The following NF1 variants were observed in gnomAD, a reference collection of about 807,000 sequenced individuals.
The protein encoded by NF1 is neurofibromin.
Under a neutral mutation model 325.7 loss-of-function variants are expected in NF1, and 122 were observed. That is an observed-to-expected ratio of 0.37 (90% confidence interval 0.32 to 0.44). NF1 has a LOEUF of 0.44. Ranked by LOEUF, NF1 falls within the 20% of genes least tolerant of loss-of-function variation. NF1 has a pLI of 1.00. For missense variants in NF1, 2,140 were observed against 3,415.4 expected (o/e 0.63, Z 9.31); for synonymous variants, 1,091 against 1,186.0 (o/e 0.92, Z 1.65).
At chr17:31,275,551 G>C (rs140356508) in intron 36 of NF1, among the ~76,000 whole-genome samples, 259 of 152,184 alleles carry the variant, frequency 1.7e-3, no homozygotes, top group Non-Finnish European at 2.7e-3. Flanking sequence ...AGGTATTTCT[G>C]TATAGGAGAA....
intron 51 of NF1, 101 bp downstream of exon 51, chr17:31,352,515 C>T (rs1004593331): frequency 7.4e-6 from 9 of 1,217,304 alleles, no homozygotes; most frequent in Non-Finnish European, 1.0e-5. Context: ...TCAAAATTTT[C>T]CATGTCAGTG....
intron 39 of NF1, among the ~76,000 whole-genome samples, chr17:31,333,565 G>A (rs530868567): frequency 4.9e-4 from 74 of 152,174 alleles, no homozygotes; most frequent in African/African-American, 1.7e-3. Flanking sequence ...AACTTCATAT[G>A]ACATTATTTA....
At chr17:31,329,188 G>GA (rs1191398138) in intron 38 of NF1, among the ~76,000 whole-genome samples, 4 of 151,944 alleles carry the variant, frequency 2.6e-5, no homozygotes, top group African/African-American at 7.3e-5. Context: ...TTTTAAAAAA[G>GA]AAAAAAGATA....
At position 31,325,844 on chromosome 17, in the gene NF1, T is replaced by C. The variant is rs864622747; in HGVS notation, c.4860T>C (p.Gly1620=). The change falls in exon 37 of 58, where the codon GGT becomes GGC. Residue 1620 remains glycine, a synonymous_variant. Transcript: ENST00000358273. The stretch of plus-strand genomic sequence containing the variant: ...GGTTCAAAACTGGTCAAATCAATGG[T>C]GATTTGCTGATATACCATGTCTTAC... ...ARRFKTGQIN[G]DLLIYHVLLT... 3 of 1,614,072 alleles carry C rather than the reference T, an allele frequency of 1.9e-6. No homozygotes were observed. Among genetic ancestry groups the C allele is most frequent in the Admixed American group, 1.7e-5 (1 of 60,008 alleles).
At chr17:31,337,001 T>G in intron 42 of NF1, 87 bp downstream of exon 42, 1 of 1,423,336 alleles carries the variant, frequency 7.0e-7, no homozygotes, top group Admixed American at 1.8e-5. Context: ...TATTTATGTT[T>G]GTGCTCTAAC....
intron 36 of NF1, chr17:31,304,650 A>G (rs750452159): frequency 1.9e-6 from 3 of 1,614,174 alleles, no homozygotes; most frequent in African/African-American, 1.3e-5. Context: ...AACCATCAGC[A>G]CTATCTTCTG....
At chr17:31,237,523 T>A (rs1285562665) in intron 29 of NF1, among the ~76,000 whole-genome samples, 1 of 152,172 alleles carries the variant, frequency 6.6e-6, no homozygotes, top group Non-Finnish European at 1.5e-5. Flanking sequence ...GAGATCCACA[T>A]GCTGTGGCCT....
chr17:31,139,583 A>C (rs1916065148), intron 1 of NF1, among the ~76,000 whole-genome samples: 1 of 152,216 alleles, frequency 6.6e-6, no homozygotes, highest in Admixed American at 6.5e-5. Flanking sequence ...GCTCATGTGC[A>C]TGGGCTAGGG....
In NF1 at chr17:31,229,099, G is replaced by T; in HGVS notation, c.2484G>T (p.Leu828Phe). Residue 828 changes from leucine (L) to phenylalanine (F), a missense_variant, in exon 21 of 58, where the codon TTG (leucine) becomes TTT (phenylalanine). This residue lies in a region of NF1 where 380 missense variants were observed against 639.3 expected (regional missense o/e 0.59). Transcript: ENST00000358273. ...SHVSGGGSID[L>F]SDTDSLQEWI... The stretch of plus-strand genomic sequence containing the variant: ...TGAGTGGAGGAGGATCCATAGATTT[G>T]TCTGACACAGACTCCCTACAGGAAT... 6.2e-7 allele frequency: 1 copy of T among 1,611,880 alleles called. No homozygotes were observed. Among genetic ancestry groups the T allele is most frequent in the South Asian group, 1.1e-5 (1 of 90,990 alleles).
chr17:31,335,737 G>A (rs1322619304), intron 40 of NF1, among the ~76,000 whole-genome samples: 1 of 151,666 alleles, frequency 6.6e-6, no homozygotes, highest in Non-Finnish European at 1.5e-5. Flanking sequence ...GGAGTGCAGT[G>A]GTACAGTCTC....
chr17:31,104,170 C>A lies in NF1; in HGVS notation c.60+8801C>A, dbSNP rs115716885. On this transcript the variant is annotated intron_variant, in intron 1 of 57. Coordinates refer to ENST00000358273, the MANE Select transcript of NF1 (RefSeq NM_001042492.3). ...ATGCCTTATTTTTTACATCTTTGTT[C>A]TTTAAATTACTCAGATTGCTATGGG... 2.2e-3 allele frequency among the ~76,000 whole-genome samples: 328 copies of A among 152,142 alleles called. 1 individual carries two copies. The highest frequency in any genetic ancestry group is 7.4e-3 in the African/African-American group (309 of 41,504).
intron 36 of NF1, among the ~76,000 whole-genome samples, chr17:31,277,748 T>C (rs2068035739): frequency 6.6e-6 from 1 of 152,068 alleles, no homozygotes; most frequent in Non-Finnish European, 1.5e-5. Context: ...TGCAGTATGG[T>C]TTTTGTTGGG....
chr17:31,325,239 CT>C (rs2069311901), intron 36 of NF1, among the ~76,000 whole-genome samples: 1 of 152,172 alleles, frequency 6.6e-6, no homozygotes, highest in Admixed American at 6.5e-5. Flanking sequence ...TCTCTTCAGT[CT>C]TTTGGGAGGC....
intron 51 of NF1, among the ~76,000 whole-genome samples, chr17:31,354,880 T>C (rs897184047): frequency 6.6e-6 from 1 of 152,210 alleles, no homozygotes; most frequent in African/African-American, 2.4e-5. Context: ...CATGACTTAG[T>C]GACCAATTGT....
At chr17:31,248,208 C>T (rs2067431649) in intron 29 of NF1, among the ~76,000 whole-genome samples, 1 of 125,616 alleles carries the variant, frequency 8.0e-6, no homozygotes, top group African/African-American at 3.8e-5. Flanking sequence ...ATCCCCCGCC[C>T]CCACCCCCCA....
At chr17:31,330,595 T>TA in intron 39 of NF1, 97 bp downstream of exon 39, 2 of 939,086 alleles carry the variant, frequency 2.1e-6, no homozygotes, top group South Asian at 3.1e-5. Context: ...GACTTTCACT[T>TA]ACATTTTTAC....
chr17:31,142,032 A>G (rs577108039), intron 1 of NF1, among the ~76,000 whole-genome samples: 1 of 152,322 alleles, frequency 6.6e-6, no homozygotes, highest in South Asian at 2.1e-4. Flanking sequence ...GAAAATGAGT[A>G]GAATGTACAC....
intron 55 of NF1, 58 bp downstream of exon 55, chr17:31,358,680 G>T: frequency 1.3e-6 from 2 of 1,583,560 alleles, no homozygotes; most frequent in South Asian, 2.2e-5. Context: ...GCGCGCTGTT[G>T]TAGAATGCAC....
chr17:31,117,981 C>T (rs1458529720), intron 1 of NF1, among the ~76,000 whole-genome samples: 4 of 152,264 alleles, frequency 2.6e-5, no homozygotes, highest in African/African-American at 9.6e-5. Context: ...TGCAGCCTGA[C>T]TTAAGGGATA....
Sources: gnomAD v4.1 joint callset for allele counts (sites outside exome capture counted in the v4.1 genomes callset) on GRCh38, gnomAD v4.1.1 for gene constraint, gnomAD v4.1.1 regional missense constraint, MANE v1.5 for transcripts, NCBI Gene and HGNC (gene_info 2026-07-23, HGNC 2026-07-21) for gene names.